ALG1: variants seen among roughly 807,000 people sequenced by gnomAD.
ALG1 encodes chitobiosyldiphosphodolichol beta-mannosyltransferase.
A neutral mutation model predicts 55.1 loss-of-function variants in ALG1; 58 were observed. The ratio of observed to expected loss-of-function variants is 1.05; its 90% CI spans 0.85 to 1.31. The LOEUF is 1.31. Among genes scored for constraint, ALG1 ranks in the 50% most tolerant of loss-of-function variants. The pLI is 0.00. For synonymous variants in ALG1, 309 were observed against 247.0 expected (o/e 1.25, Z -2.35); for missense variants, 761 against 598.6 (o/e 1.27, Z -2.83).
chr16:5,081,874 T>C (rs1038069876), intron 10 of ALG1, among the ~76,000 whole-genome samples: 3 of 152,042 alleles, frequency 2.0e-5, no homozygotes, highest in African/African-American at 7.2e-5. Context: ...AGCTAGTCTT[T>C]AGAAATGTTA....
chr16:5,075,856 C>T (rs1956902886), intron 4 of ALG1, among the ~76,000 whole-genome samples: 1 of 152,210 alleles, frequency 6.6e-6, no homozygotes, highest in Non-Finnish European at 1.5e-5. Context: ...AGCTCTTGTC[C>T]TCACGTAGGC....
In ALG1 at chr16:5,084,908, G is replaced by A. The variant is rs1362143066; in HGVS notation, c.*27G>A. The A allele has an allele frequency of 1.9e-6, 3 of 1,596,352 alleles. No individual in the cohort carries two copies. The South Asian group carries it at 3.3e-5, about 18-fold the overall frequency. The stretch of plus-strand genomic sequence containing the variant: ...TCCTGGGCCAGAGGCTAAAACCCCA[G>A]GACCCCTGCTGTCCTTCCCGCAGCT... On this transcript the variant is annotated 3_prime_UTR_variant, in exon 13 of 13. Coordinates refer to ENST00000262374, the MANE Select transcript of ALG1 (RefSeq NM_019109.5).
chr16:5,073,116 G>A lies in ALG1; in HGVS notation c.287-37G>A, dbSNP rs760921776. 53 of 1,612,210 alleles carry A rather than the reference G, an allele frequency of 3.3e-5. No individual in the cohort carries two copies. The African/African-American group carries it at 5.2e-4, about 16-fold the overall frequency. Reference sequence around the variant, plus strand: ...TGAAAAGCCGTGCAGATTGCCAGACGCTCCTTTGGTAGTCACAGGTGTTTT... The same window carrying A: ...TGAAAAGCCGTGCAGATTGCCAGACACTCCTTTGGTAGTCACAGGTGTTTT... On this transcript the variant is annotated intron_variant, in intron 2 of 12. Transcript: ENST00000262374.
rs1957107668 is a variant in ALG1, at chr16:5,085,073, G to A, written c.*192G>A. Reference sequence around the variant, plus strand: ...TTTGGTTGGCCTTGATTTCTTCTCTGGAGGCTTGGAAACGCTTCCTCTCTT... The same window carrying A: ...TTTGGTTGGCCTTGATTTCTTCTCTAGAGGCTTGGAAACGCTTCCTCTCTT... On this transcript the variant is annotated 3_prime_UTR_variant, in exon 13 of 13. Transcript: ENST00000262374. 12 of 1,037,344 alleles carry A rather than the reference G, an allele frequency of 1.2e-5. No individual in the cohort carries two copies. The highest frequency in any genetic ancestry group is 1.4e-5 in the Non-Finnish European group (10 of 717,146). The allele number at this position is 1,037,344 out of a possible 1,614,324, so 64.3% of individuals were successfully genotyped here. A position where few individuals can be genotyped will look rare whatever the true frequency, so the allele number is the denominator to read the frequency against.
At chr16:5,072,885 T>C (rs1254677428) in intron 1 of ALG1, 66 bp from the exon 2 acceptor site, 8 of 1,405,590 alleles carry the variant, frequency 5.7e-6, no homozygotes, top group Non-Finnish European at 7.1e-6. Flanking sequence ...TCAGCCTGAG[T>C]TGGGAGATTA....
chr16:5,081,110 G>GGT, intron 10 of ALG1, 54 bp downstream of exon 10: 2 of 519,950 alleles, frequency 3.8e-6, no homozygotes, highest in African/African-American at 2.0e-5. Context: ...GGGTGGGCGG[G>GGT]ATGTACTTTT....
chr16:5,078,233 C>A (rs1310485846), intron 6 of ALG1: 1 of 712,204 alleles, frequency 1.4e-6, no homozygotes, highest in Non-Finnish European at 2.5e-6. Flanking sequence ...ATAGCAGAAT[C>A]GCGTTTTGCA....
At chr16:5,083,562 C>G in intron 11 of ALG1, 120 bp from the exon 12 acceptor site, 1 of 1,565,152 alleles carries the variant, frequency 6.4e-7, no homozygotes, top group Non-Finnish European at 8.6e-7. Context: ...GAAACCACAC[C>G]CCCTGTTCCA....
In ALG1 at chr16:5,073,897, T is replaced by C. The variant is rs374598288; in HGVS notation, c.390+641T>C. Among the ~76,000 whole-genome samples the C allele has an allele frequency of 1.4e-4, 22 of 152,158 alleles. No homozygotes were observed. The East Asian group carries it at 3.9e-3, about 27-fold the overall frequency. On this transcript the variant is annotated intron_variant, in intron 3 of 12. Coordinates refer to ENST00000262374, the MANE Select transcript of ALG1 (RefSeq NM_019109.5). ...GCCCAGCTAATTTTTGTATTTTTAGTAGAAATGGGGTTACGCCATGTTGGC... is the reference window on the plus strand; with the variant it reads ...GCCCAGCTAATTTTTGTATTTTTAGCAGAAATGGGGTTACGCCATGTTGGC...
chr16:5,072,760 C>G (rs1395262050), intron 1 of ALG1, among the ~76,000 whole-genome samples, 191 bp from the exon 2 acceptor site: 1 of 152,214 alleles, frequency 6.6e-6, no homozygotes, highest in Non-Finnish European at 1.5e-5. Context: ...CAGGCCCTAT[C>G]TCTGTGTGCC....
At chr16:5,080,479 A>G (rs1191383092) in intron 9 of ALG1, among the ~76,000 whole-genome samples, 2 of 152,204 alleles carry the variant, frequency 1.3e-5, no homozygotes, top group South Asian at 2.1e-4. Flanking sequence ...AGAAAAGCGG[A>G]AGCGGTGTGG....
intron 4 of ALG1, among the ~76,000 whole-genome samples, chr16:5,076,192 G>A (rs1055673743): frequency 1.3e-5 from 2 of 152,202 alleles, no homozygotes; most frequent in South Asian, 2.1e-4. Context: ...TACTCTGCAC[G>A]GCCAGCCTTC....
In ALG1 at chr16:5,079,784, C is replaced by A. The variant is rs1055880768; in HGVS notation, c.938C>A (p.Pro313His). 1 of 1,611,816 alleles carries A rather than the reference C, an allele frequency of 6.2e-7. No individual in the cohort carries two copies. The highest frequency in any genetic ancestry group is 8.5e-7 in the Non-Finnish European group (1 of 1,179,774). The part of the protein sequence containing the change: ...EQLTLDGHNL[P>H]SLVCVITGKG... ...CTGACTCTTGATGGACACAACCTTC[C>A]TTCTCTCGTCTGTGTGATAACAGGT... The change falls in exon 9 of 13, where the codon CCT (proline) becomes CAT (histidine). Residue 313 changes from proline to histidine, a missense_variant. Pro to His is a moderately conservative substitution (Grantham distance 77). Coordinates refer to ENST00000262374, the MANE Select transcript of ALG1 (RefSeq NM_019109.5).
At chr16:5,078,923 C>T (rs751557568) in intron 7 of ALG1, 45 bp downstream of exon 7, 1 of 1,605,940 alleles carries the variant, frequency 6.2e-7, no homozygotes, top group African/African-American at 1.3e-5. Context: ...TGACGGGCAC[C>T]TGGCCAACCT....
chr16:5,083,074 T>C (rs1957043844), intron 11 of ALG1, among the ~76,000 whole-genome samples: 1 of 152,194 alleles, frequency 6.6e-6, no homozygotes, highest in South Asian at 2.1e-4. Context: ...ACCATGTCCC[T>C]TTTGGCCAAG....
Position 5,075,502 on chromosome 16 carries a change from G to A in ALG1, c.505G>A (p.Gly169Ser), listed in dbSNP as rs1398687891. 5.0e-6 allele frequency: 8 copies of A among 1,614,050 alleles called. No individual in the cohort carries two copies. Among genetic ancestry groups the A allele is most frequent in the Non-Finnish European group, 5.9e-6 (7 of 1,180,036 alleles). Residue 169 changes from glycine (G) to serine (S), a missense_variant, in exon 4 of 13, where the codon GGC (glycine) becomes AGC (serine). By Grantham distance (56) the Gly-to-Ser change is moderately conservative. Transcript: ENST00000262374. ...YGYSIMGLVHGPNHPLVLLAK... is the reference protein window; with the variant it reads ...YGYSIMGLVHSPNHPLVLLAK... ...CTACTCCATCATGGGTCTGGTGCAT[G>A]GCCCCAACCATCCCCTCGTTCTGCT... is the stretch of plus-strand genomic sequence containing the variant.
chr16:5,083,067 A>G (rs896365719), intron 11 of ALG1, among the ~76,000 whole-genome samples: 1 of 152,132 alleles, frequency 6.6e-6, no homozygotes, highest in Admixed American at 6.6e-5. Context: ...CTCTCCCACC[A>G]TGTCCCTTTT....
At chr16:5,078,572 C>G in intron 6 of ALG1, 185 bp from the exon 7 acceptor site, 1 of 970,524 alleles carries the variant, frequency 1.0e-6, no homozygotes, top group South Asian at 1.4e-5. Flanking sequence ...GTAACCTTAG[C>G]ACCCAGCAAC....
chr16:5,077,638 G>C (rs1043592465), intron 5 of ALG1, 104 bp downstream of exon 5: 1 of 1,240,922 alleles, frequency 8.1e-7, no homozygotes, highest in East Asian at 2.3e-5. Context: ...GGGGCAATTT[G>C]AAATACTGAG....
Sources: gnomAD v4.1 joint callset for allele counts (sites outside exome capture counted in the v4.1 genomes callset) on GRCh38, gnomAD v4.1.1 for gene constraint, MANE v1.5 for transcripts, NCBI Gene and HGNC (gene_info 2026-07-23, HGNC 2026-07-21) for gene names.